Variants in TSC22D1 observed in about 807,000 individuals in gnomAD.
The protein encoded by TSC22D1 is TSC22 domain family member 1.
Under a neutral mutation model 74.2 loss-of-function variants are expected in TSC22D1, and 9 were observed. The ratio of observed to expected loss-of-function variants is 0.12; its 90% CI spans 0.07 to 0.21. TSC22D1 has a LOEUF of 0.21. Among genes scored for constraint, TSC22D1 ranks in the 10% least tolerant of loss-of-function variants. The pLI is 1.00. For synonymous variants in TSC22D1, 586 were observed against 492.5 expected (o/e 1.19, Z -2.51); for missense variants, 1,427 against 1,304.7 (o/e 1.09, Z -1.44).
At position 44,575,359 on chromosome 13, in the gene TSC22D1, G is replaced by A. The variant is rs1884141913; in HGVS notation, c.716C>T (p.Pro239Leu). 3 of 1,614,060 alleles carry A rather than the reference G, an allele frequency of 1.9e-6. No individual in the cohort carries two copies. Among genetic ancestry groups the A allele is most frequent in the Non-Finnish European group, 2.5e-6 (3 of 1,180,030 alleles). Reference sequence around the variant, plus strand: ...TGCACTGGCCACAGCAACATGAGATGGATGGTGGTGACCATGTTGGAGGTG... The same window carrying A: ...TGCACTGGCCACAGCAACATGAGATAGATGGTGGTGACCATGTTGGAGGTG... The part of the protein sequence containing the change: ...GHHLQHGHHH[P>L]SHVAVASASI... Residue 239 changes from proline (P) to leucine (L), a missense_variant, in exon 1 of 3, where the codon CCA becomes CTA. Transcript: ENST00000458659.
At chr13:44,442,914 C>CAAAAAAAAAAAAAAAAAAAAAAAAAAAA (rs386378995) in intron 1 of TSC22D1, among the ~76,000 whole-genome samples, 1 of 87,048 alleles carries the variant, frequency 1.1e-5, no homozygotes, top group African/African-American at 4.9e-5. Flanking sequence ...GAGACTCTGT[C>CAAAAAAAAAAAAAAAAAAAAAAAAAAAA]AAAAAAAAAA....
At chr13:44,435,034 C>G in intron 2 of TSC22D1, 151 bp from the exon 3 acceptor site, 1 of 678,490 alleles carries the variant, frequency 1.5e-6, no homozygotes, top group Admixed American at 2.5e-5. Context: ...AATCTGAATA[C>G]AAACATGACT....
intron 1 of TSC22D1, among the ~76,000 whole-genome samples, chr13:44,442,793 TA>T (rs1875302460): frequency 1.3e-5 from 2 of 150,654 alleles, no homozygotes; most frequent in South Asian, 4.2e-4. Context: ...CACACACCTG[TA>T]ATTCCAGCTA....
At chr13:44,499,530 C>T (rs1289247835) in intron 1 of TSC22D1, among the ~76,000 whole-genome samples, 1 of 152,144 alleles carries the variant, frequency 6.6e-6, no homozygotes, top group Admixed American at 6.5e-5. Flanking sequence ...TTTACAACAT[C>T]TATAGATTTC....
rs575147062 is a variant in TSC22D1 at position 44,532,617 on chromosome 13, G to A, written c.2912+40546C>T. Among the ~76,000 whole-genome samples, 77 of 152,180 alleles carry A rather than the reference G, an allele frequency of 5.1e-4. No individual in the cohort carries two copies. In the South Asian group the frequency reaches 0.014, roughly 28 times the overall value. ...GCCTCCCGAGTAGCTGGGACTATAG[G>A]CGCACGCCACCATGCCCGGCTATTT... On this transcript the variant is annotated intron_variant, in intron 1 of 2. Coordinates refer to ENST00000458659, the MANE Select transcript of TSC22D1 (RefSeq NM_183422.4).
chr13:44,440,966 G>C (rs1215755104), intron 1 of TSC22D1, among the ~76,000 whole-genome samples: 2 of 152,188 alleles, frequency 1.3e-5, no homozygotes, highest in African/African-American at 4.8e-5. Flanking sequence ...AGAGAAAAGA[G>C]TTTTTTTATC....
chr13:44,576,214 A>C lies in TSC22D1; in HGVS notation c.-140T>G. 1 of 1,269,372 alleles carries C rather than the reference A, an allele frequency of 7.9e-7. No individual in the cohort carries two copies. Among genetic ancestry groups the C allele is most frequent in the Non-Finnish European group, 1.0e-6 (1 of 953,202 alleles). The allele number at this position is 1,269,372 out of a possible 1,614,324, so 78.6% of individuals were successfully genotyped here. On this transcript the variant is annotated 5_prime_UTR_variant, in exon 1 of 3. Coordinates refer to ENST00000458659, the MANE Select transcript of TSC22D1 (RefSeq NM_183422.4). ...TCCTCCTTCTCCTCCTCCTCAGCCA[A>C]AGGCGCCGGTCGCTCCTGCCTTCGA...
At chr13:44,551,426 G>GTGTA (rs1882265750) in intron 1 of TSC22D1, among the ~76,000 whole-genome samples, 1 of 151,138 alleles carries the variant, frequency 6.6e-6, no homozygotes, top group Admixed American at 6.6e-5. Context: ...GTGTGTGTGT[G>GTGTA]TGTGTGTCTG....
At chr13:44,517,829 G>GTGTGTATATATATATATATA (rs1271183064) in intron 1 of TSC22D1, among the ~76,000 whole-genome samples, 1 of 14,134 alleles carries the variant, frequency 7.1e-5, no homozygotes, top group African/African-American at 1.8e-4. Context: ...GTGTGTGTGT[G>GTGTGTATATATATATATATA]TATATATATA....
At chr13:44,533,831 G>T (rs1880992858) in intron 1 of TSC22D1, among the ~76,000 whole-genome samples, 1 of 152,140 alleles carries the variant, frequency 6.6e-6, no homozygotes, top group Non-Finnish European at 1.5e-5. Context: ...AATGTACATG[G>T]AATCAGCTAT....
intron 1 of TSC22D1, among the ~76,000 whole-genome samples, chr13:44,442,682 C>T (rs551086713): frequency 5.9e-5 from 9 of 151,868 alleles, no homozygotes; most frequent in Non-Finnish European, 1.0e-4. Flanking sequence ...TTTGGGAGGC[C>T]GAGGCAGGTG....
At chr13:44,439,106 T>C (rs1874978985) in intron 1 of TSC22D1, among the ~76,000 whole-genome samples, 1 of 152,234 alleles carries the variant, frequency 6.6e-6, no homozygotes. Context: ...TGATCATCCA[T>C]TGTATCAAGC....
At chr13:44,508,013 T>C (rs1203728480) in intron 1 of TSC22D1, among the ~76,000 whole-genome samples, 1 of 152,190 alleles carries the variant, frequency 6.6e-6, no homozygotes, top group Non-Finnish European at 1.5e-5. Context: ...AAGAATAATA[T>C]ATCCCAGAAC....
At chr13:44,508,290 T>C (rs762595904) in intron 1 of TSC22D1, among the ~76,000 whole-genome samples, 17 of 152,202 alleles carry the variant, frequency 1.1e-4, no homozygotes, top group Non-Finnish European at 2.1e-4. Context: ...ATGTTTGAGA[T>C]TCACATACAT....
At chr13:44,504,172 A>G (rs931012107) in intron 1 of TSC22D1, among the ~76,000 whole-genome samples, 6 of 151,646 alleles carry the variant, frequency 4.0e-5, no homozygotes, top group African/African-American at 1.5e-4. Flanking sequence ...CTTGACTTGA[A>G]GCCAGAAAAA....
chr13:44,526,849 T>C (rs371937346), intron 1 of TSC22D1, among the ~76,000 whole-genome samples: 25 of 152,262 alleles, frequency 1.6e-4, no homozygotes, highest in South Asian at 1.0e-3. Context: ...TTGGAGAACA[T>C]GACATAAGAT....
chr13:44,574,646 G>C lies in TSC22D1; in HGVS notation c.1429C>G (p.Leu477Val). 6.2e-7 allele frequency: 1 copy of C among 1,614,072 alleles called. No homozygotes were observed. The change falls in exon 1 of 3, where the codon CTG (leucine) becomes GTG (valine). Residue 477 changes from leucine (L) to valine (V), a missense_variant. By Grantham distance (32) the Leu-to-Val change is conservative (BLOSUM62 1). Coordinates refer to ENST00000458659, the MANE Select transcript of TSC22D1 (RefSeq NM_183422.4). The part of the protein sequence containing the change: ...GSSVSSSVST[L>V]SHYTESVGSG... ...CCCACACTCTCTGTATAGTGACTCA[G>C]TGTGCTGACACTACTGCTCACTGAA...
At chr13:44,577,324 A>C (rs895999079), upstream of TSC22D1, 16 of 152,362 alleles carry the variant, frequency 1.1e-4, no homozygotes, top group African/African-American at 3.9e-4. Context: ...CTCTCGCGGC[A>C]TCGGGAGGGG....
At chr13:44,548,128 A>C (rs1262856214) in intron 1 of TSC22D1, among the ~76,000 whole-genome samples, 1 of 152,246 alleles carries the variant, frequency 6.6e-6, no homozygotes, top group Admixed American at 6.5e-5. Flanking sequence ...GGAAATTCAA[A>C]ACCAGTTTGA....
Sources: allele counts gnomAD v4.1 joint callset (sites outside exome capture counted in the v4.1 genomes callset), GRCh38; gene constraint gnomAD v4.1.1; transcripts MANE v1.5; gene names NCBI Gene and HGNC (gene_info 2026-07-23, HGNC 2026-07-21).